Variants in RBFOX1 observed in about 807,000 individuals in gnomAD.
RBFOX1 encodes the protein RNA binding protein fox-1 homolog 1.
A neutral mutation model predicts 57.7 loss-of-function variants in RBFOX1; 8 were observed. The ratio of observed to expected loss-of-function variants is 0.14; its 90% CI spans 0.08 to 0.25. The LOEUF (loss-of-function observed/expected upper bound fraction) is 0.25, where lower values mean the gene tolerates loss of function less well. Among genes scored for constraint, RBFOX1 ranks in the 10% least tolerant of loss-of-function variants. The pLI, the probability that RBFOX1 is intolerant of heterozygous loss-of-function variation, is 1.00. For synonymous variants in RBFOX1, 326 were observed against 222.4 expected (o/e 1.47, Z -4.15); for missense variants, 611 against 548.5 (o/e 1.11, Z -1.14).
intron 2 of RBFOX1, among the ~76,000 whole-genome samples, chr16:6,321,060 T>A (rs1373862487): frequency 1.3e-5 from 2 of 152,150 alleles, no homozygotes; most frequent in East Asian, 3.9e-4. Flanking sequence ...TCCCAAAGCG[T>A]TGGGATTACA....
intron 2 of RBFOX1, among the ~76,000 whole-genome samples, chr16:6,451,413 T>G (rs1468082144): frequency 6.6e-6 from 1 of 152,114 alleles, no homozygotes; most frequent in Non-Finnish European, 1.5e-5. Context: ...AGTTAGGTAA[T>G]CTTCTTATCT....
At chr16:6,764,923 C>G (rs149527887) in intron 3 of RBFOX1, among the ~76,000 whole-genome samples, 81 of 151,554 alleles carry the variant, frequency 5.3e-4, no homozygotes, top group African/African-American at 1.9e-3. Flanking sequence ...GATGACAGAG[C>G]AAGACTGTTT....
At chr16:6,311,678 C>G (rs1252677110) in intron 1 of RBFOX1, among the ~76,000 whole-genome samples, 1 of 152,122 alleles carries the variant, frequency 6.6e-6, no homozygotes, top group Non-Finnish European at 1.5e-5. Context: ...ATGAATCTTT[C>G]GCATGGCAGA....
intron 2 of RBFOX1, among the ~76,000 whole-genome samples, chr16:5,501,871 A>C (rs2043209139): frequency 6.6e-6 from 1 of 151,864 alleles, no homozygotes; most frequent in South Asian, 2.1e-4. Context: ...ATTTGTTACC[A>C]TGCCCAGCTA....
At chr16:6,649,086 G>A (rs1451206429) in intron 2 of RBFOX1, among the ~76,000 whole-genome samples, 2 of 151,902 alleles carry the variant, frequency 1.3e-5, no homozygotes, top group Non-Finnish European at 2.9e-5. Flanking sequence ...ATGTCTTTAG[G>A]CCCAGATCTC....
At chr16:7,634,538 C>G (rs954919630) in intron 11 of RBFOX1, among the ~76,000 whole-genome samples, 2 of 152,148 alleles carry the variant, frequency 1.3e-5, no homozygotes, top group Non-Finnish European at 2.9e-5. Flanking sequence ...CTGAAGTTAT[C>G]TGCTTTTGAT....
At chr16:7,324,746 A>G (rs183787142) in intron 4 of RBFOX1, among the ~76,000 whole-genome samples, 1 of 152,274 alleles carries the variant, frequency 6.6e-6, no homozygotes, top group Admixed American at 6.5e-5. Flanking sequence ...TACAAAACCT[A>G]CTGGAATTTT....
intron 14 of RBFOX1, among the ~76,000 whole-genome samples, chr16:7,705,169 G>A (rs569938624): frequency 2.0e-5 from 3 of 152,172 alleles, no homozygotes; most frequent in Non-Finnish European, 2.9e-5. Flanking sequence ...CAAGTGCCAA[G>A]ACTAAGCAGA....
intron 4 of RBFOX1, among the ~76,000 whole-genome samples, chr16:5,902,500 C>T (rs1425883157): frequency 6.6e-6 from 1 of 152,174 alleles, no homozygotes; most frequent in Non-Finnish European, 1.5e-5. Flanking sequence ...TCTGCAGCCA[C>T]CGCCTCCCAG....
intron 3 of RBFOX1, among the ~76,000 whole-genome samples, chr16:5,730,835 CATCATCATTGTCATTATCACT>C (rs1287610382): frequency 6.6e-6 from 1 of 152,140 alleles, no homozygotes; most frequent in Non-Finnish European, 1.5e-5. Flanking sequence ...CCACCATTAT[CATCATCATTGTCATTATCACT>C]ATCATCATTG....
chr16:5,996,308 C>T (rs1485738641), intron 4 of RBFOX1, among the ~76,000 whole-genome samples: 2 of 152,172 alleles, frequency 1.3e-5, no homozygotes, highest in East Asian at 3.9e-4. Flanking sequence ...GATGTAGACT[C>T]CACAGAAGGC....
At chr16:5,474,153 C>G (rs567621002) in intron 2 of RBFOX1, among the ~76,000 whole-genome samples, 2 of 152,242 alleles carry the variant, frequency 1.3e-5, no homozygotes, top group Admixed American at 6.5e-5. Flanking sequence ...TGGCATTACT[C>G]CATCTTGGAT....
chr16:7,442,804 A>G (rs1175869173), intron 4 of RBFOX1, among the ~76,000 whole-genome samples: 2 of 152,116 alleles, frequency 1.3e-5, no homozygotes, highest in Non-Finnish European at 2.9e-5. Context: ...CAGATCAGCT[A>G]ATTTGGTCAG....
intron 3 of RBFOX1, among the ~76,000 whole-genome samples, chr16:6,678,215 C>A (rs11077065): frequency 1.3e-3 from 198 of 151,786 alleles, no homozygotes; most frequent in Non-Finnish European, 2.6e-3. Context: ...CCTCTGCCTC[C>A]TTGAGTTCAA....
intron 3 of RBFOX1, among the ~76,000 whole-genome samples, chr16:6,986,146 A>T (rs994731904): frequency 6.6e-6 from 1 of 150,850 alleles, no homozygotes; most frequent in African/African-American, 2.4e-5. Flanking sequence ...CTTGTACAAT[A>T]ACCCTTATAT....
At chr16:7,329,500 G>A (rs1348116230) in intron 4 of RBFOX1, among the ~76,000 whole-genome samples, 1 of 152,208 alleles carries the variant, frequency 6.6e-6, no homozygotes, top group Non-Finnish European at 1.5e-5. Flanking sequence ...AATACTAGGT[G>A]CTTCCCATTT....
At chr16:5,612,483 T>C (rs1018181054) in intron 3 of RBFOX1, among the ~76,000 whole-genome samples, 1 of 152,198 alleles carries the variant, frequency 6.6e-6, no homozygotes, top group Non-Finnish European at 1.5e-5. Flanking sequence ...CAGATACTCA[T>C]ACAAAAGTAT....
intron 3 of RBFOX1, among the ~76,000 whole-genome samples, chr16:7,030,702 A>G (rs2042568656): frequency 6.6e-6 from 1 of 152,176 alleles, no homozygotes; most frequent in Non-Finnish European, 1.5e-5. Context: ...ATTTCCAAAT[A>G]AGGCCACATT....
intron 2 of RBFOX1, among the ~76,000 whole-genome samples, chr16:6,509,412 C>G (rs1446579347): frequency 6.6e-6 from 1 of 152,122 alleles, no homozygotes; most frequent in Non-Finnish European, 1.5e-5. Flanking sequence ...GGTCATGATG[C>G]TGAGTGCAAT....
Sources: allele counts gnomAD v4.1 joint callset (sites outside exome capture counted in the v4.1 genomes callset), GRCh38; gene constraint gnomAD v4.1.1; transcripts MANE v1.5; gene names NCBI Gene and HGNC (gene_info 2026-07-23, HGNC 2026-07-21).